EVI5: variants seen among roughly 807,000 people sequenced by gnomAD.
The protein encoded by EVI5 is ecotropic viral integration site 5 protein homolog.
Under a neutral mutation model 112.0 loss-of-function variants are expected in EVI5, and 73 were observed. The observed-to-expected ratio is 0.65, with a 90% CI of 0.54 to 0.79. EVI5 has a LOEUF of 0.79. Among genes scored for constraint, EVI5 ranks in the 30% least tolerant of loss-of-function variants. EVI5 has a pLI of 0.00. For synonymous variants in EVI5, 305 were observed against 319.9 expected, an observed-to-expected ratio of 0.95 and a Z score of 0.50; for missense variants, 900 against 968.8, an observed-to-expected ratio of 0.93 and a Z score of 0.94.
chr1:92,640,198 C>T (rs1659671260), intron 13 of EVI5, among the ~76,000 whole-genome samples: 1 of 152,164 alleles, frequency 6.6e-6, no homozygotes, highest in Admixed American at 6.5e-5. Context: ...AGGACATAGG[C>T]ATGGGCAAAG....
chr1:92,543,492 G>T (rs1478055136), intron 19 of EVI5, among the ~76,000 whole-genome samples: 1 of 152,182 alleles, frequency 6.6e-6, no homozygotes, highest in Middle Eastern at 3.2e-3. Flanking sequence ...TATCAGCAAT[G>T]AGGCTGCTTT....
At chr1:92,600,433 T>C (rs1557874558) in intron 18 of EVI5, among the ~76,000 whole-genome samples, 1 of 152,252 alleles carries the variant, frequency 6.6e-6, no homozygotes, top group Non-Finnish European at 1.5e-5. Context: ...TACATCATGT[T>C]TCATAATTTT....
intron 19 of EVI5, among the ~76,000 whole-genome samples, chr1:92,536,635 G>A (rs1399744811): frequency 2.6e-5 from 4 of 152,172 alleles, no homozygotes; most frequent in Non-Finnish European, 1.5e-5. Flanking sequence ...TAAACCAGTA[G>A]ATATTAAGAC....
chr1:92,520,720 G>A (rs1463338185), intron 19 of EVI5, among the ~76,000 whole-genome samples: 8 of 151,744 alleles, frequency 5.3e-5, no homozygotes, highest in Admixed American at 3.9e-4. Flanking sequence ...GCGTGGTGGC[G>A]TGTACCTGTA....
chr1:92,779,952 C>T (rs1684648848), intron 1 of EVI5, among the ~76,000 whole-genome samples: 1 of 152,134 alleles, frequency 6.6e-6, no homozygotes, highest in African/African-American at 2.4e-5. Flanking sequence ...ATTCCTATCT[C>T]ATAAATTTAT....
chr1:92,624,689 CAAAAAAAAAAAA>C (rs141559165), intron 15 of EVI5, among the ~76,000 whole-genome samples: 70 of 51,770 alleles, frequency 1.4e-3, no homozygotes, highest in African/African-American at 4.6e-3. Context: ...GTCTCTACTT[CAAAAAAAAAAAA>C]AAAAAAAAAA....
intron 4 of EVI5, among the ~76,000 whole-genome samples, chr1:92,702,951 G>A (rs1264504297): frequency 6.6e-6 from 1 of 152,120 alleles, no homozygotes; most frequent in Non-Finnish European, 1.5e-5. Context: ...AGTAACTGTG[G>A]GAAGGGAAAT....
At chr1:92,598,275 C>A (rs909553014) in intron 18 of EVI5, among the ~76,000 whole-genome samples, 2 of 151,886 alleles carry the variant, frequency 1.3e-5, no homozygotes, top group Non-Finnish European at 2.9e-5. Flanking sequence ...GGGAGTGGAG[C>A]AGAAAAAATA....
intron 18 of EVI5, among the ~76,000 whole-genome samples, chr1:92,592,388 A>T (rs1027097570): frequency 2.0e-5 from 3 of 152,270 alleles, no homozygotes; most frequent in Non-Finnish European, 2.9e-5. Flanking sequence ...CAAAGATACA[A>T]CATACCAGAA....
At chr1:92,627,731 A>C (rs1300933069) in intron 14 of EVI5, among the ~76,000 whole-genome samples, 2 of 151,964 alleles carry the variant, frequency 1.3e-5, no homozygotes, top group Non-Finnish European at 2.9e-5. Context: ...TGTGGAAGTA[A>C]GATGGTATTA....
chr1:92,630,315 C>T (rs1656722359), intron 14 of EVI5, among the ~76,000 whole-genome samples: 1 of 152,218 alleles, frequency 6.6e-6, no homozygotes, highest in Admixed American at 6.5e-5. Context: ...TTCTCCACAT[C>T]CTCTCCAGGA....
rs772243686 is a variant in EVI5 at position 92,607,552 on chromosome 1, AAAC to A, written c.1974+26_1974+28del. 7.9e-6 allele frequency: 12 copies of A among 1,517,712 alleles called. No individual in the cohort carries two copies. In the Admixed American group the frequency reaches 2.8e-4, roughly 35 times the overall value. The allele number at this position is 1,517,712 out of a possible 1,614,324, so 94.0% of individuals were successfully genotyped here. On this transcript the variant is annotated intron_variant, in intron 17 of 19. Coordinates refer to ENST00000684568, the MANE Select transcript of EVI5 (RefSeq NM_001350197.2). ...AAAAAGGCATTATTATATTGACAAA[AAAC>A]AAAATCAGTTAGTTGACATATTTAC...
chr1:92,694,834 T>C lies in EVI5; in HGVS notation c.910-446A>G, dbSNP rs141375386. Among the ~76,000 whole-genome samples, 288 of 152,378 alleles carry C rather than the reference T, an allele frequency of 1.9e-3. 4 individuals are homozygous for C. The highest frequency in any genetic ancestry group is 6.4e-3 in the African/African-American group (265 of 41,584). Reference sequence around the variant, plus strand: ...ACTAGAAAACAAAGGATTACCTCTATGTGCTACTGACAAAAGGACAACAAC... The same window carrying C: ...ACTAGAAAACAAAGGATTACCTCTACGTGCTACTGACAAAAGGACAACAAC... On this transcript the variant is annotated intron_variant, in intron 7 of 19. Coordinates refer to ENST00000684568, the MANE Select transcript of EVI5 (RefSeq NM_001350197.2).
chr1:92,647,067 C>A (rs145092780), intron 13 of EVI5: 1 of 193,758 alleles, frequency 5.2e-6, no homozygotes, highest in Non-Finnish European at 1.1e-5. Flanking sequence ...CTTCCTCTTC[C>A]TCCTCCTCCT....
intron 19 of EVI5, among the ~76,000 whole-genome samples, chr1:92,545,124 T>C (rs1185872420): frequency 6.6e-6 from 1 of 152,248 alleles, no homozygotes. Flanking sequence ...CTGAGAGAGC[T>C]ACATATTCAT....
At chr1:92,641,125 C>G (rs1458861490) in intron 13 of EVI5, among the ~76,000 whole-genome samples, 2 of 151,996 alleles carry the variant, frequency 1.3e-5, no homozygotes, top group Non-Finnish European at 2.9e-5. Flanking sequence ...AGCAAGCCAC[C>G]ATGGCACACA....
chr1:92,521,428 C>A (rs540926532), intron 19 of EVI5, among the ~76,000 whole-genome samples: 1 of 152,270 alleles, frequency 6.6e-6, no homozygotes, highest in African/African-American at 2.4e-5. Context: ...TTGTGGCTCA[C>A]GCCTGTAATC....
At chr1:92,588,947 C>T (rs963043) in intron 18 of EVI5, among the ~76,000 whole-genome samples, 140,290 of 152,288 alleles carry the variant, frequency 0.92, 64,706 homozygotes, top group East Asian at 0.97. Flanking sequence ...GGTCCTTACC[C>T]TCAATGAACT....
intron 18 of EVI5, among the ~76,000 whole-genome samples, chr1:92,584,475 A>G (rs977179454): frequency 1.8e-4 from 27 of 152,222 alleles, no homozygotes; most frequent in Non-Finnish European, 3.2e-4. Context: ...AACACTTGGT[A>G]AGTAATCACT....
Sources: gnomAD v4.1 joint callset for allele counts (sites outside exome capture counted in the v4.1 genomes callset) on GRCh38, gnomAD v4.1.1 for gene constraint, MANE v1.5 for transcripts, NCBI Gene and HGNC (gene_info 2026-07-23, HGNC 2026-07-21) for gene names.